Variants in SLC18A3 observed in about 807,000 individuals in gnomAD.
The protein encoded by SLC18A3 is solute carrier family 18 member A3, also known as vesicular acetylcholine transporter.
In SLC18A3, 18 loss-of-function variants were observed where a neutral mutation model predicts 24.2. That is an observed-to-expected ratio of 0.74 (90% CI 0.51 to 1.10). The LOEUF (loss-of-function observed/expected upper bound fraction) is 1.10. Among genes scored for constraint, SLC18A3 ranks in the 50% least tolerant of loss-of-function variants. The probability of loss-of-function intolerance (pLI) is 0.00; values close to 1 mark genes in which losing one functional copy is unlikely to be tolerated. For synonymous variants in SLC18A3, 415 were observed against 355.4 expected, an observed-to-expected ratio of 1.17 and a Z score of -1.89; for missense variants, 744 against 750.7, an observed-to-expected ratio of 0.99 and a Z score of 0.10.
chr10:49,612,350 C>A lies in SLC18A3; in HGVS notation c.*11C>A. Reference sequence around the variant, plus strand: ...TACACCCGCAGCTAGCATCCCCACTCCTCCTCCAGCCCACCCAACCGCCTT... The same window carrying A: ...TACACCCGCAGCTAGCATCCCCACTACTCCTCCAGCCCACCCAACCGCCTT... On this transcript the variant is annotated 3_prime_UTR_variant, in exon 1 of 1. Transcript: ENST00000374115. 1.9e-6 allele frequency: 3 copies of A among 1,568,082 alleles called. No individual in the cohort carries two copies. Among genetic ancestry groups the A allele is most frequent in the Non-Finnish European group, 2.6e-6 (3 of 1,152,972 alleles).
Position 49,610,758 on chromosome 10 carries a change from T to C in SLC18A3, c.18T>C (p.Pro6=), listed in dbSNP as rs1321656402. The change falls in exon 1 of 1, where the codon CCT becomes CCC. Residue 6 remains proline, a synonymous_variant. Coordinates refer to ENST00000374115, the MANE Select transcript of SLC18A3 (RefSeq NM_003055.3). ...GTGGGGGCATGGAATCCGCGGAACC[T>C]GCGGGCCAGGCCCGGGCGGCGGCCA... MESAE[P]AGQARAAATK... 3.9e-6 allele frequency: 6 copies of C among 1,536,528 alleles called. No homozygotes were observed. The highest frequency in any genetic ancestry group is 1.3e-5 in the South Asian group (1 of 79,870).
Position 49,611,035 on chromosome 10 carries a change from G to A in SLC18A3, c.295G>A (p.Ala99Thr), listed in dbSNP as rs1838280465. 1 of 1,613,832 alleles carries A rather than the reference G, an allele frequency of 6.2e-7. No individual in the cohort carries two copies. Among genetic ancestry groups the A allele is most frequent in the Admixed American group, 1.7e-5 (1 of 60,002 alleles). The change falls in exon 1 of 1, where the codon GCG becomes ACG. Residue 99 changes from alanine to threonine, a missense_variant. By Grantham distance (58) the Ala-to-Thr change is moderately conservative. This residue lies in a region of SLC18A3 where 566 missense variants were observed against 566.2 expected (regional missense o/e 1.00). Transcript: ENST00000374115. The part of the protein sequence containing the change: ...NASAYTANTS[A>T]SPTAAWPAGS... ...CAGCGCCTACACGGCCAACACCTCG[G>A]CGTCCCCGACAGCTGCGTGGCCAGC...
At position 49,610,706 on chromosome 10, in the gene SLC18A3, C is replaced by T. The variant is rs781765288; in HGVS notation, c.-35C>T. ...GCGGGACGCCAGCGCTCGGCCCTGG[C>T]GGAGGCGTCCTCGGAAGAGCATCGG... is the stretch of plus-strand genomic sequence containing the variant. On this transcript the variant is annotated 5_prime_UTR_variant, in exon 1 of 1. Transcript: ENST00000374115. 2.2e-5 allele frequency: 32 copies of T among 1,461,724 alleles called. No homozygotes were observed. The highest frequency in any genetic ancestry group is 2.1e-4 in the Middle Eastern group (1 of 4,862). The allele number at this position is 1,461,724 out of a possible 1,614,324, so 90.5% of individuals were successfully genotyped here. A position where few individuals can be genotyped will look rare whatever the true frequency, so the allele number is the denominator to read the frequency against.
At position 49,610,809 on chromosome 10, in the gene SLC18A3, G is replaced by A; in HGVS notation, c.69G>A (p.Ala23=). 1.9e-6 allele frequency: 3 copies of A among 1,596,870 alleles called. No homozygotes were observed. Among genetic ancestry groups the A allele is most frequent in the Non-Finnish European group, 2.6e-6 (3 of 1,172,336 alleles). Residue 23 remains alanine (A), a synonymous_variant, in exon 1 of 1, where the codon GCG becomes GCA. Coordinates refer to ENST00000374115, the MANE Select transcript of SLC18A3 (RefSeq NM_003055.3). ...CCAAGCTGTCGGAGGCTGTGGGCGC[G>A]GCGCTGCAGGAGCCCCGGCGGCAGA... The part of the protein sequence containing the change: ...AATKLSEAVG[A]ALQEPRRQRR...
Position 49,610,583 on chromosome 10 carries a change from G to C in SLC18A3, c.-158G>C. The C allele has an allele frequency of 1.6e-6, 1 of 631,330 alleles. No individual in the cohort carries two copies. 39.1% of individuals were successfully genotyped at this position (631,330 alleles called of 1,614,324 possible). On this transcript the variant is annotated 5_prime_UTR_variant, in exon 1 of 1. Coordinates refer to ENST00000374115, the MANE Select transcript of SLC18A3 (RefSeq NM_003055.3). ...GCCGGACGGAGTCCTTTCCTTTCCC[G>C]GGACGCTGGGCCATGAGCTCCGCGG...
chr10:49,610,815 G>A lies in SLC18A3; in HGVS notation c.75G>A (p.Leu25=), dbSNP rs1288731626. The change falls in exon 1 of 1, where the codon CTG becomes CTA. Residue 25 remains leucine, a synonymous_variant. Coordinates refer to ENST00000374115, the MANE Select transcript of SLC18A3 (RefSeq NM_003055.3). ...TGTCGGAGGCTGTGGGCGCGGCGCT[G>A]CAGGAGCCCCGGCGGCAGAGGCGCC... ...TKLSEAVGAA[L]QEPRRQRRLV... is the part of the protein sequence containing the mutation. 1 of 1,601,940 alleles carries A rather than the reference G, an allele frequency of 6.2e-7. No homozygotes were observed. The highest frequency in any genetic ancestry group is 8.5e-7 in the Non-Finnish European group (1 of 1,174,672).
chr10:49,611,841 C>T lies in SLC18A3; in HGVS notation c.1101C>T (p.Ile367=), dbSNP rs2132688096. The change falls in exon 1 of 1, where the codon ATC becomes ATT. Residue 367 remains isoleucine, a synonymous_variant. Coordinates refer to ENST00000374115, the MANE Select transcript of SLC18A3 (RefSeq NM_003055.3). The stretch of plus-strand genomic sequence containing the variant: ...ACGGCGCGCTTGGGCTGGCTGTGAT[C>T]GGCGCCAGCTCGTGCATCGTGCCCG... ...WLYGALGLAV[I]GASSCIVPAC... The T allele has an allele frequency of 6.2e-7, 1 of 1,604,530 alleles. No homozygotes were observed. Among genetic ancestry groups the T allele is most frequent in the Non-Finnish European group, 8.5e-7 (1 of 1,179,734 alleles).
rs1180000944 is a variant in SLC18A3, at chr10:49,610,345, G to C, written c.-396G>C. The stretch of plus-strand genomic sequence containing the variant: ...GCGAGGGGAGGGGAGCGCAGCGGCG[G>C]GGCTAACGGGCGGGCAAGCGGGCGG... On this transcript the variant is annotated 5_prime_UTR_variant, in exon 1 of 1. Coordinates refer to ENST00000374115, the MANE Select transcript of SLC18A3 (RefSeq NM_003055.3). 4 of 193,716 alleles carry C rather than the reference G, an allele frequency of 2.1e-5. No homozygotes were observed. Among genetic ancestry groups the C allele is most frequent in the Non-Finnish European group, 4.2e-5 (4 of 95,462 alleles). 12.0% of individuals were successfully genotyped at this position (193,716 alleles called of 1,614,324 possible). A position where few individuals can be genotyped will look rare whatever the true frequency, so the allele number is the denominator to read the frequency against.
Position 49,610,974 on chromosome 10 carries a change from G to C in SLC18A3, c.234G>C (p.Trp78Cys), listed in dbSNP as rs749277704. ...GCCCCACCCGGACTCCCGAGGTGTG[G>C]GAGCCCACCCTGCCGCTGCCCACTC... Reference protein sequence around the residue: ...GEGPTRTPEVWEPTLPLPTPA... With the variant: ...GEGPTRTPEVCEPTLPLPTPA... Residue 78 changes from tryptophan to cysteine, a missense_variant, in exon 1 of 1, where the codon TGG becomes TGC. This residue lies in a region of SLC18A3 where 566 missense variants were observed against 566.2 expected (regional missense o/e 1.00). Coordinates refer to ENST00000374115, the MANE Select transcript of SLC18A3 (RefSeq NM_003055.3). The C allele has an allele frequency of 3.1e-6, 5 of 1,611,470 alleles. No homozygotes were observed. Among genetic ancestry groups the C allele is most frequent in the African/African-American group, 1.3e-5 (1 of 74,878 alleles).
chr10:49,611,490 C>G lies in SLC18A3; in HGVS notation c.750C>G (p.Ala250=), dbSNP rs760173383. 1.9e-6 allele frequency: 3 copies of G among 1,600,076 alleles called. No individual in the cohort carries two copies. Among genetic ancestry groups the G allele is most frequent in the South Asian group, 1.1e-5 (1 of 91,056 alleles). The change falls in exon 1 of 1, where the codon GCC becomes GCG. Residue 250 remains alanine, a synonymous_variant. Transcript: ENST00000374115. The part of the protein sequence containing the change: ...GKRVPFLVLA[A]VSLFDALLLL... ...GCGTGCCCTTCTTGGTGCTAGCTGC[C>G]GTGTCGCTCTTTGACGCGCTGTTGC...
In SLC18A3 at chr10:49,612,409, C is replaced by CA; in HGVS notation, c.*71dup. On this transcript the variant is annotated 3_prime_UTR_variant, in exon 1 of 1. Transcript: ENST00000374115. ...GGGGCTGCTCTGCAAGCCCACTGGC[C>CA]AGCTCTGGCTCAGGGCCCACCTCCT... 3.4e-6 allele frequency: 5 copies of CA among 1,474,230 alleles called. No individual in the cohort carries two copies. The highest frequency in any genetic ancestry group is 4.6e-6 in the Non-Finnish European group (5 of 1,092,228). The allele number at this position is 1,474,230 out of a possible 1,614,324, so 91.3% of individuals were successfully genotyped here. A position where few individuals can be genotyped will look rare whatever the true frequency, so the allele number is the denominator to read the frequency against.
At position 49,611,158 on chromosome 10, in the gene SLC18A3, C is replaced by T; in HGVS notation, c.418C>T (p.Pro140Ser). The change falls in exon 1 of 1, where the codon CCC becomes TCC. Residue 140 changes from proline (P) to serine (S), a missense_variant. By Grantham distance (74) the Pro-to-Ser change is moderately conservative. Around this residue, in one of 3 missense-constraint regions of SLC18A3, gnomAD observed 566 missense variants for 566.2 expected, o/e 1.00. Coordinates refer to ENST00000374115, the MANE Select transcript of SLC18A3 (RefSeq NM_003055.3). Reference protein sequence around the residue: ...SKAILQLLVNPLSGPFIDRMS... With the variant: ...SKAILQLLVNSLSGPFIDRMS... The stretch of plus-strand genomic sequence containing the variant: ...GGCTATCCTGCAGCTGCTAGTGAAC[C>T]CCTTGAGCGGGCCCTTCATCGACCG... The T allele has an allele frequency of 4.3e-6, 7 of 1,614,192 alleles. No individual in the cohort carries two copies. The highest frequency in any genetic ancestry group is 5.9e-6 in the Non-Finnish European group (7 of 1,180,004).
In SLC18A3 at chr10:49,612,049, A is replaced by G; in HGVS notation, c.1309A>G (p.Ile437Val). The change falls in exon 1 of 1, where the codon ATA (isoleucine) becomes GTA (valine). Residue 437 changes from isoleucine to valine, a missense_variant. Ile to Val is a conservative substitution (Grantham distance 29). This residue lies in a region of SLC18A3 where 160 missense variants were observed against 140.9 expected (regional missense o/e 1.14). Coordinates refer to ENST00000374115, the MANE Select transcript of SLC18A3 (RefSeq NM_003055.3). ...TTCGGTGGCCTACGCGCTCGGGCCCATAGTGGCAGGCCACATTGTGCACTC... is the reference window on the plus strand; with the variant it reads ...TTCGGTGGCCTACGCGCTCGGGCCCGTAGTGGCAGGCCACATTGTGCACTC... The part of the protein sequence containing the change: ...SYSVAYALGP[I>V]VAGHIVHSLG... 1 of 1,613,774 alleles carries G rather than the reference A, an allele frequency of 6.2e-7. No homozygotes were observed. The highest frequency in any genetic ancestry group is 8.5e-7 in the Non-Finnish European group (1 of 1,179,986).
rs542598239 is a variant in SLC18A3, at chr10:49,612,681, G to A, written c.*342G>A. 1.7e-4 allele frequency: 51 copies of A among 296,426 alleles called. No homozygotes were observed. The highest frequency in any genetic ancestry group is 1.1e-3 in the African/African-American group (50 of 46,052). The allele number at this position is 296,426 out of a possible 1,614,324, so 18.4% of individuals were successfully genotyped here. Reference sequence around the variant, plus strand: ...GCCAAACTTGGGCCGCTGCACCGCGGCGCCTCCGCCCAAATCAATAAACTG... The same window carrying A: ...GCCAAACTTGGGCCGCTGCACCGCGACGCCTCCGCCCAAATCAATAAACTG... On this transcript the variant is annotated 3_prime_UTR_variant, in exon 1 of 1. Coordinates refer to ENST00000374115, the MANE Select transcript of SLC18A3 (RefSeq NM_003055.3).
In SLC18A3 at chr10:49,611,988, C is replaced by G. The variant is rs374465426; in HGVS notation, c.1248C>G (p.Val416=). The G allele has an allele frequency of 2.7e-5, 44 of 1,613,794 alleles. No homozygotes were observed. The African/African-American group carries it at 5.9e-4, about 21-fold the overall frequency. ...TGGTGGACGTGCGCCATGTCTCAGT[C>G]TATGGCAGCGTCTACGCCATCGCCG... ...AFLVDVRHVS[V]YGSVYAIADI... The change falls in exon 1 of 1, where the codon GTC becomes GTG. Residue 416 remains valine, a synonymous_variant. Transcript: ENST00000374115.
chr10:49,611,465 G>A lies in SLC18A3; in HGVS notation c.725G>A (p.Arg242His), dbSNP rs1371247153. The change falls in exon 1 of 1, where the codon CGC (arginine) becomes CAC (histidine). Residue 242 changes from arginine to histidine, a missense_variant. Around this residue, in one of 3 missense-constraint regions of SLC18A3, gnomAD observed 566 missense variants for 566.2 expected, o/e 1.00. Transcript: ENST00000374115. ...GGILYEFAGK[R>H]VPFLVLAAVS... is the part of the protein sequence containing the mutation. ...ATCCTCTATGAGTTCGCCGGCAAGC[G>A]CGTGCCCTTCTTGGTGCTAGCTGCC... 1.3e-6 allele frequency: 2 copies of A among 1,598,976 alleles called. No individual in the cohort carries two copies. Among genetic ancestry groups the A allele is most frequent in the South Asian group, 1.1e-5 (1 of 90,908 alleles).
rs1838313592 is a variant in SLC18A3, at chr10:49,612,053, T to C, written c.1313T>C (p.Val438Ala). 1.2e-6 allele frequency: 2 copies of C among 1,613,588 alleles called. No individual in the cohort carries two copies. Among genetic ancestry groups the C allele is most frequent in the Non-Finnish European group, 1.7e-6 (2 of 1,179,970 alleles). ...YSVAYALGPI[V>A]AGHIVHSLGF... ...GTGGCCTACGCGCTCGGGCCCATAG[T>C]GGCAGGCCACATTGTGCACTCGCTG... The change falls in exon 1 of 1, where the codon GTG becomes GCG. Residue 438 changes from valine to alanine, a missense_variant. Physicochemically the swap from Val to Ala is moderately conservative, Grantham distance 64. Transcript: ENST00000374115.
At position 49,612,208 on chromosome 10, in the gene SLC18A3, C is replaced by A. The variant is rs1441883375; in HGVS notation, c.1468C>A (p.Pro490Thr). The change falls in exon 1 of 1, where the codon CCG (proline) becomes ACG (threonine). Residue 490 changes from proline to threonine, a missense_variant. This residue lies in a region of SLC18A3 where 160 missense variants were observed against 140.9 expected (regional missense o/e 1.14). Coordinates refer to ENST00000374115, the MANE Select transcript of SLC18A3 (RefSeq NM_003055.3). ...GCGCGATGTGCTGCTTGATGAGCCA[C>A]CGCAAGGTCTGTACGATGCGGTGCG... ...SERDVLLDEP[P>T]QGLYDAVRLR... 1 of 1,609,214 alleles carries A rather than the reference C, an allele frequency of 6.2e-7. No individual in the cohort carries two copies. Among genetic ancestry groups the A allele is most frequent in the African/African-American group, 1.3e-5 (1 of 75,062 alleles).
At position 49,612,347 on chromosome 10, in the gene SLC18A3, A is replaced by G. The variant is rs370390968; in HGVS notation, c.*8A>G. 1 of 1,567,422 alleles carries G rather than the reference A, an allele frequency of 6.4e-7. No homozygotes were observed. The highest frequency in any genetic ancestry group is 8.7e-7 in the Non-Finnish European group (1 of 1,152,824). The stretch of plus-strand genomic sequence containing the variant: ...TACTACACCCGCAGCTAGCATCCCC[A>G]CTCCTCCTCCAGCCCACCCAACCGC... On this transcript the variant is annotated 3_prime_UTR_variant, in exon 1 of 1. Coordinates refer to ENST00000374115, the MANE Select transcript of SLC18A3 (RefSeq NM_003055.3).
Sources: allele counts gnomAD v4.1 joint callset, GRCh38; gene constraint gnomAD v4.1.1; regional missense constraint gnomAD v4.1.1; transcripts MANE v1.5; gene names NCBI Gene and HGNC (gene_info 2026-07-23, HGNC 2026-07-21).